DAB1: variants seen among roughly 807,000 people sequenced by gnomAD.
The protein encoded by DAB1 is DAB adaptor protein 1.
DAB1 carries 15 observed loss-of-function variants against 64.6 expected under a neutral mutation model. That is an observed-to-expected ratio of 0.23 (90% CI 0.16 to 0.36). The LOEUF (loss-of-function observed/expected upper bound fraction) is 0.36. DAB1 is among the 10% of genes least tolerant of loss of function. DAB1 has a pLI of 1.00. For synonymous variants in DAB1, 235 were observed against 251.9 expected, an observed-to-expected ratio of 0.93 and a Z score of 0.64; for missense variants, 596 against 706.7, an observed-to-expected ratio of 0.84 and a Z score of 1.78.
chr1:57,069,208 G>A (rs1416776696), intron 8 of DAB1, 152 bp downstream of exon 8: 3 of 644,148 alleles, frequency 4.7e-6, no homozygotes, highest in Non-Finnish European at 8.3e-6. Context: ...GAAAACTACT[G>A]GTAAATTGCT....
At chr1:57,738,221 A>G (rs1647789631) in intron 6 of DAB1, among the ~76,000 whole-genome samples, 1 of 152,212 alleles carries the variant, frequency 6.6e-6, no homozygotes, top group South Asian at 2.1e-4. Flanking sequence ...AGACTTGAGT[A>G]TTACAGACTC....
chr1:57,056,941 GA>G (rs1324690485), intron 9 of DAB1, among the ~76,000 whole-genome samples: 2 of 152,112 alleles, frequency 1.3e-5, no homozygotes, highest in Non-Finnish European at 2.9e-5. Context: ...GCTGAAGACA[GA>G]AAATAACATT....
rs543015540 is a variant in DAB1, at chr1:57,432,120, A to G, written n.626-140954T>C. 2.0e-5 allele frequency among the ~76,000 whole-genome samples: 3 copies of G among 151,916 alleles called. No individual in the cohort carries two copies. The East Asian group carries it at 5.8e-4, about 29-fold the overall frequency. ...CTGGGCAACAAAGCAAGACTCTGAA[A>G]AAAAAAAAAAAAGAATGAATTTCCA... is the stretch of plus-strand genomic sequence containing the variant. On this transcript the variant is annotated intron_variant and non_coding_transcript_variant, in intron 7 of 20. Transcript: ENST00000485760.
chr1:57,788,247 A>G (rs1204556989), intron 6 of DAB1, among the ~76,000 whole-genome samples: 1 of 152,218 alleles, frequency 6.6e-6, no homozygotes, highest in East Asian at 1.9e-4. Flanking sequence ...TGTATTAATA[A>G]TTTCCCCAAA....
At chr1:57,751,386 G>T (rs7540553) in intron 6 of DAB1, among the ~76,000 whole-genome samples, 1 of 152,106 alleles carries the variant, frequency 6.6e-6, no homozygotes, top group Non-Finnish European at 1.5e-5. Context: ...TGAGACACTG[G>T]TGGGTCTATA....
At chr1:58,299,776 C>T (rs1662079223) in intron 4 of DAB1, among the ~76,000 whole-genome samples, 1 of 152,166 alleles carries the variant, frequency 6.6e-6, no homozygotes, top group African/African-American at 2.4e-5. Context: ...CACTTCTGCT[C>T]AGAGTATGTA....
chr1:58,411,883 C>T (rs747966075), intron 3 of DAB1, among the ~76,000 whole-genome samples: 24 of 152,172 alleles, frequency 1.6e-4, no homozygotes, highest in Admixed American at 3.3e-4. Flanking sequence ...CACCAAGGAA[C>T]GTTTCCTACA....
At chr1:57,373,543 T>C (rs1240443) in intron 1 of DAB1, among the ~76,000 whole-genome samples, 82,689 of 151,910 alleles carry the variant, frequency 0.54, 23,561 homozygotes, top group African/African-American at 0.66. Context: ...GCATTGCAGT[T>C]ACAAGTGCAA....
At chr1:57,664,276 T>A (rs1558588978) in intron 6 of DAB1, among the ~76,000 whole-genome samples, 1 of 152,046 alleles carries the variant, frequency 6.6e-6, no homozygotes. Flanking sequence ...ACAAAGCAAA[T>A]AAGGGATTTT....
chr1:58,485,228 TAAAAAA>T (rs71043289), intron 3 of DAB1, among the ~76,000 whole-genome samples: 5 of 42,060 alleles, frequency 1.2e-4, no homozygotes, highest in African/African-American at 2.9e-4. Context: ...AGTCTACTAC[TAAAAAA>T]AAAAAAAAAA....
intron 5 of DAB1, among the ~76,000 whole-genome samples, chr1:57,984,220 G>T (rs544247783): frequency 1.4e-5 from 2 of 142,872 alleles, no homozygotes; most frequent in East Asian, 4.2e-4. Flanking sequence ...AAGAAAGAAA[G>T]AAAGAAAGAA....
chr1:57,583,858 G>A (rs1645345790), intron 7 of DAB1, among the ~76,000 whole-genome samples: 1 of 152,254 alleles, frequency 6.6e-6, no homozygotes, highest in East Asian at 1.9e-4. Flanking sequence ...GTTCTTCTCT[G>A]GAAATGCTCC....
chr1:57,720,642 G>A (rs957940216), intron 6 of DAB1, among the ~76,000 whole-genome samples: 3 of 152,214 alleles, frequency 2.0e-5, no homozygotes, highest in African/African-American at 7.2e-5. Context: ...TAATAGTGTT[G>A]TAGTGAGGCA....
At chr1:57,057,764 T>G (rs533266438) in intron 9 of DAB1, among the ~76,000 whole-genome samples, 11 of 123,546 alleles carry the variant, frequency 8.9e-5, no homozygotes, top group African/African-American at 3.1e-4. Context: ...CCTGCCACCA[T>G]GCCTGGCTAA....
intron 5 of DAB1, among the ~76,000 whole-genome samples, chr1:58,000,204 A>G (rs1050327407): frequency 1.3e-5 from 2 of 152,210 alleles, no homozygotes; most frequent in Admixed American, 6.5e-5. Flanking sequence ...TGGAAATGAA[A>G]TAAGTCTTCA....
At chr1:57,543,955 A>C (rs983005820) in intron 7 of DAB1, among the ~76,000 whole-genome samples, 2 of 152,104 alleles carry the variant, frequency 1.3e-5, no homozygotes, top group Non-Finnish European at 2.9e-5. Context: ...AAAAAAATTA[A>C]AAATTAGCCG....
intron 5 of DAB1, among the ~76,000 whole-genome samples, chr1:57,908,999 A>G (rs1008522182): frequency 2.0e-5 from 3 of 152,224 alleles, no homozygotes; most frequent in African/African-American, 7.2e-5. Flanking sequence ...TTTACGTGAT[A>G]CAGAGGCATT....
At chr1:57,951,822 G>T (rs1645285745) in intron 5 of DAB1, among the ~76,000 whole-genome samples, 1 of 152,096 alleles carries the variant, frequency 6.6e-6, no homozygotes, top group Non-Finnish European at 1.5e-5. Flanking sequence ...TATTCCTTGG[G>T]TATATACTAC....
At chr1:58,254,394 T>C in intron 4 of DAB1, among the ~76,000 whole-genome samples, 1 of 100,334 alleles carries the variant, frequency 1.0e-5, no homozygotes, top group African/African-American at 4.9e-5. Flanking sequence ...TTTTTTTTTC[T>C]ATTTTTTTTT....
Sources: allele counts gnomAD v4.1 joint callset (sites outside exome capture counted in the v4.1 genomes callset), GRCh38; gene constraint gnomAD v4.1.1; transcripts MANE v1.5; gene names NCBI Gene and HGNC (gene_info 2026-07-23, HGNC 2026-07-21).